The following GPC5 variants were observed in gnomAD, a reference collection of about 807,000 sequenced individuals.
GPC5 encodes the protein glypican 5.
In GPC5, 47 loss-of-function variants were observed where a neutral mutation model predicts 53.9. That is an observed-to-expected ratio of 0.87 (90% CI 0.69 to 1.11). The LOEUF (loss-of-function observed/expected upper bound fraction) is 1.11, where lower values mean the gene tolerates loss of function less well. Among genes scored for constraint, GPC5 ranks in the 50% most tolerant of loss-of-function variants. GPC5 has a pLI of 0.00. For missense variants in GPC5, 748 were observed against 713.1 expected (o/e 1.05, Z -0.56); for synonymous variants, 286 against 263.3 (o/e 1.09, Z -0.84).
At position 91,459,151 on chromosome 13, in the gene GPC5, C is replaced by T. The variant is rs377668026; in HGVS notation, c.325+10229C>T. ...GGTGCACCAAAATTTCAGAAGTCAC[C>T]GCTAAAGAACTTATCCATGTAACCA... On this transcript the variant is annotated intron_variant, in intron 2 of 7. Transcript: ENST00000377067. Among the ~76,000 whole-genome samples the T allele has an allele frequency of 3.3e-4, 50 of 151,704 alleles. 1 individual carries two copies. In the South Asian group the frequency reaches 7.3e-3, roughly 22 times the overall value.
intron 5 of GPC5, among the ~76,000 whole-genome samples, chr13:91,845,551 C>T (rs2038839500): frequency 6.6e-6 from 1 of 152,094 alleles, no homozygotes; most frequent in African/African-American, 2.4e-5. Context: ...TAACTATAAT[C>T]CACAGTTATT....
chr13:91,975,883 A>C (rs1475649221), intron 6 of GPC5, among the ~76,000 whole-genome samples: 7 of 152,240 alleles, frequency 4.6e-5, no homozygotes, highest in Non-Finnish European at 1.0e-4. Context: ...AATGCCCAAC[A>C]ATGATAGACT....
intron 2 of GPC5, among the ~76,000 whole-genome samples, chr13:91,632,267 C>T (rs928387731): frequency 3.3e-5 from 5 of 151,984 alleles, no homozygotes; most frequent in Middle Eastern, 3.2e-3. Flanking sequence ...ACACATTTAC[C>T]GTGAGTCATC....
At chr13:91,728,404 A>G (rs2140007229) in intron 3 of GPC5, 128 bp from the exon 4 acceptor site, 1 of 692,360 alleles carries the variant, frequency 1.4e-6, no homozygotes, top group South Asian at 2.8e-5. Flanking sequence ...ATATATACAT[A>G]TTATATTTAA....
chr13:92,372,455 A>G (rs1280495026), intron 7 of GPC5, among the ~76,000 whole-genome samples: 1 of 151,952 alleles, frequency 6.6e-6, no homozygotes. Context: ...AGCTTTTTAT[A>G]CTCTTTTTAT....
At chr13:92,080,777 G>T (rs574094646) in intron 6 of GPC5, among the ~76,000 whole-genome samples, 1 of 152,218 alleles carries the variant, frequency 6.6e-6, no homozygotes, top group South Asian at 2.1e-4. Context: ...TGTGATATTT[G>T]TAGTATAAAA....
intron 2 of GPC5, among the ~76,000 whole-genome samples, chr13:91,493,497 C>T (rs1468151096): frequency 6.6e-6 from 1 of 152,052 alleles, no homozygotes; most frequent in African/African-American, 2.4e-5. Flanking sequence ...CCCCTACTCC[C>T]CACAACCCTT....
At chr13:92,166,956 T>TCTCTCA (rs1415930136) in intron 7 of GPC5, among the ~76,000 whole-genome samples, 8 of 84,710 alleles carry the variant, frequency 9.4e-5, no homozygotes, top group African/African-American at 2.7e-4. Flanking sequence ...TCTCTCTCTC[T>TCTCTCA]CACACACACA....
At chr13:92,293,498 C>T (rs763078677) in intron 7 of GPC5, among the ~76,000 whole-genome samples, 13 of 132,398 alleles carry the variant, frequency 9.8e-5, no homozygotes, top group South Asian at 4.8e-4. Context: ...TAAGCTTGGT[C>T]GCTGTCAGTG....
intron 6 of GPC5, among the ~76,000 whole-genome samples, chr13:91,956,880 G>A (rs904611120): frequency 6.6e-6 from 1 of 152,156 alleles, no homozygotes; most frequent in Admixed American, 6.5e-5. Flanking sequence ...TAAAAGAGAT[G>A]TGAAGATATC....
At chr13:91,893,963 T>C (rs1216656716) in intron 5 of GPC5, among the ~76,000 whole-genome samples, 1 of 141,454 alleles carries the variant, frequency 7.1e-6, no homozygotes, top group East Asian at 2.1e-4. Context: ...TTTTCCAGTT[T>C]TTTTCTGGCC....
rs77144517 is a variant in GPC5, at chr13:92,395,909, T to G, written c.1561+250920T>G. Among the ~76,000 whole-genome samples the G allele has an allele frequency of 1.6e-3, 239 of 145,848 alleles. 1 individual carries two copies. The highest frequency in any genetic ancestry group is 4.0e-3 in the African/African-American group (150 of 37,938). On this transcript the variant is annotated intron_variant, in intron 7 of 7. Transcript: ENST00000377067. ...CATATGTGTAGGTGTTTGTTTCTGT[T>G]TTTTTTTTTTTTGTATTTTTCTTTA...
At chr13:91,746,137 A>C (rs1407445439) in intron 4 of GPC5, among the ~76,000 whole-genome samples, 1 of 152,198 alleles carries the variant, frequency 6.6e-6, no homozygotes, top group African/African-American at 2.4e-5. Flanking sequence ...TGACATTTTA[A>C]ACGTCTACTG....
chr13:91,810,120 C>T lies in GPC5; in HGVS notation c.1280+53700C>T, dbSNP rs185278074. Among the ~76,000 whole-genome samples, 192 of 151,870 alleles carry T rather than the reference C, an allele frequency of 1.3e-3. 1 individual carries two copies. The highest frequency in any genetic ancestry group is 2.2e-3 in the Non-Finnish European group (148 of 67,814). ...TTGGAGAGAATTCAGTAAATAAAAA[C>T]AAAATTAGTTTCAGAGAATTAATTA... On this transcript the variant is annotated intron_variant, in intron 5 of 7. Transcript: ENST00000377067.
intron 7 of GPC5, among the ~76,000 whole-genome samples, chr13:92,416,510 A>G (rs9516077): frequency 0.31 from 47,394 of 152,098 alleles, 8,053 homozygotes; most frequent in Non-Finnish European, 0.38. Context: ...GGGACAACTG[A>G]ATATCCATAC....
intron 6 of GPC5, among the ~76,000 whole-genome samples, chr13:92,100,183 T>C (rs1174620853): frequency 1.3e-5 from 2 of 152,100 alleles, no homozygotes; most frequent in Non-Finnish European, 2.9e-5. Flanking sequence ...GGTGGGTGGA[T>C]CACAAGATCA....
In GPC5 at chr13:91,693,637, C is replaced by T. The variant is rs141328977; in HGVS notation, c.776C>T (p.Pro259Leu). ...GCCCTCCTGAAGATGCAATACTGCC[C>T]GCACTGCCAAGGCCTGGCGCTCACT... Reference protein sequence around the residue: ...SRALLKMQYCPHCQGLALTKP... With the variant: ...SRALLKMQYCLHCQGLALTKP... The change falls in exon 3 of 8, where the codon CCG becomes CTG. Residue 259 changes from proline (P) to leucine (L), a missense_variant. By Grantham distance (98) the Pro-to-Leu change is moderately conservative (BLOSUM62 -3). Coordinates refer to ENST00000377067, the MANE Select transcript of GPC5 (RefSeq NM_004466.6). The T allele has an allele frequency of 2.5e-6, 4 of 1,614,070 alleles. No individual in the cohort carries two copies. Among genetic ancestry groups the T allele is most frequent in the African/African-American group, 1.3e-5 (1 of 75,040 alleles).
chr13:91,914,271 A>G (rs1309790469), intron 6 of GPC5, among the ~76,000 whole-genome samples: 1 of 152,188 alleles, frequency 6.6e-6, no homozygotes, highest in Non-Finnish European at 1.5e-5. Context: ...GAAACAGAAA[A>G]AGTAATATCA....
At chr13:91,655,753 A>T (rs954870463) in intron 2 of GPC5, among the ~76,000 whole-genome samples, 3 of 152,124 alleles carry the variant, frequency 2.0e-5, no homozygotes, top group Admixed American at 6.6e-5. Context: ...TTTGGGGGAA[A>T]AAATTCAAAA....
Sources: allele counts gnomAD v4.1 joint callset (sites outside exome capture counted in the v4.1 genomes callset), GRCh38; gene constraint gnomAD v4.1.1; transcripts MANE v1.5; gene names NCBI Gene and HGNC (gene_info 2026-07-23, HGNC 2026-07-21).